Variants in WWOX observed in about 807,000 individuals in gnomAD.
WWOX encodes the protein WW domain-containing oxidoreductase.
A neutral mutation model predicts 46.2 loss-of-function variants in WWOX; 69 were observed. That is an observed-to-expected ratio of 1.49 (90% CI 1.23 to 1.82). WWOX has a LOEUF of 1.82. Ranked by LOEUF, WWOX falls within the 40% of genes most tolerant of loss-of-function variation. The pLI, the probability that WWOX is intolerant of heterozygous loss-of-function variation, is 0.00. For synonymous variants in WWOX, 359 were observed against 202.6 expected, an observed-to-expected ratio of 1.77 and a Z score of -6.56; for missense variants, 919 against 542.6, an observed-to-expected ratio of 1.69 and a Z score of -6.89.
intron 5 of WWOX, among the ~76,000 whole-genome samples, chr16:78,201,545 C>G (rs2036229636): frequency 6.6e-6 from 1 of 151,986 alleles, no homozygotes; most frequent in Non-Finnish European, 1.5e-5. Context: ...CAATTTAGTC[C>G]CTTCTGGAAG....
rs142349453 is a variant in WWOX at position 78,791,890 on chromosome 16, C to T, written c.1056+359138C>T. ...GAAACTTTTGTCTCAAAAACAACAACAACAACAACAACAAACAAACAAGAA... is the reference window on the plus strand; with the variant it reads ...GAAACTTTTGTCTCAAAAACAACAATAACAACAACAACAAACAAACAAGAA... On this transcript the variant is annotated intron_variant, in intron 8 of 8. Transcript: ENST00000566780. Among the ~76,000 whole-genome samples the T allele has an allele frequency of 5.8e-3, 879 of 152,204 alleles. 7 individuals are homozygous for T. Among genetic ancestry groups the T allele is most frequent in the African/African-American group, 0.02 (841 of 41,534 alleles).
intron 5 of WWOX, among the ~76,000 whole-genome samples, chr16:78,246,560 A>G (rs2037821657): frequency 6.6e-6 from 1 of 152,260 alleles, no homozygotes; most frequent in Non-Finnish European, 1.5e-5. Flanking sequence ...CTGTTCATGT[A>G]TAGCTGGTTT....
intron 8 of WWOX, among the ~76,000 whole-genome samples, chr16:78,810,588 A>T (rs981231775): frequency 2.6e-5 from 4 of 152,236 alleles, no homozygotes; most frequent in African/African-American, 9.6e-5. Context: ...GATTGCCTTG[A>T]CAAATTCTGC....
rs8058132 is a variant in WWOX at position 79,135,963 on chromosome 16, G to A, written c.1057-75645G>A. On this transcript the variant is annotated intron_variant, in intron 8 of 8. Coordinates refer to ENST00000566780, the MANE Select transcript of WWOX (RefSeq NM_016373.4). ...AATTAAGGAAACCATCACCACCTTCGAATGGCTGACTATTGTAAATATTTT... is the reference window on the plus strand; with the variant it reads ...AATTAAGGAAACCATCACCACCTTCAAATGGCTGACTATTGTAAATATTTT... Among the ~76,000 whole-genome samples, 894 of 152,166 alleles carry A rather than the reference G, an allele frequency of 5.9e-3. 6 individuals carry two copies. The highest frequency in any genetic ancestry group is 0.016 in the East Asian group (84 of 5,188).
intron 8 of WWOX, among the ~76,000 whole-genome samples, chr16:78,542,470 T>G (rs1423734058): frequency 6.6e-6 from 1 of 152,122 alleles, no homozygotes; most frequent in African/African-American, 2.4e-5. Flanking sequence ...TTTTTTTGTT[T>G]TTGTTTTTTA....
intron 8 of WWOX, among the ~76,000 whole-genome samples, chr16:78,791,774 G>C (rs913947352): frequency 2.0e-5 from 3 of 152,084 alleles, no homozygotes; most frequent in Non-Finnish European, 4.4e-5. Flanking sequence ...CAGCTACTTG[G>C]AAGGCTGAGG....
intron 5 of WWOX, among the ~76,000 whole-genome samples, chr16:78,360,964 G>A (rs1358540994): frequency 1.3e-5 from 2 of 151,980 alleles, no homozygotes; most frequent in African/African-American, 4.8e-5. Context: ...GGGACTATAC[G>A]CATGCACCAC....
chr16:78,532,830 C>T (rs184631264), intron 8 of WWOX, among the ~76,000 whole-genome samples: 1 of 152,140 alleles, frequency 6.6e-6, no homozygotes, highest in African/African-American at 2.4e-5. Flanking sequence ...CCCACCTGGT[C>T]CCTCCTGCAA....
chr16:78,427,232 T>C (rs774207295), intron 7 of WWOX, among the ~76,000 whole-genome samples: 1 of 152,114 alleles, frequency 6.6e-6, no homozygotes, highest in Admixed American at 6.6e-5. Context: ...AAAAAGAAAG[T>C]CCTATGTTTG....
chr16:78,789,766 C>G (rs994300073), intron 8 of WWOX, among the ~76,000 whole-genome samples: 1 of 152,164 alleles, frequency 6.6e-6, no homozygotes, highest in Non-Finnish European at 1.5e-5. Context: ...CTCCCAAACA[C>G]CATGACATAC....
At chr16:78,438,935 A>T (rs1215055796) in intron 8 of WWOX, among the ~76,000 whole-genome samples, 2 of 152,336 alleles carry the variant, frequency 1.3e-5, no homozygotes, top group Non-Finnish European at 1.5e-5. Flanking sequence ...GCCCTTGAAT[A>T]ACCCGCTGCA....
intron 8 of WWOX, among the ~76,000 whole-genome samples, chr16:78,668,297 A>G (rs2047379666): frequency 6.6e-6 from 1 of 152,086 alleles, no homozygotes; most frequent in Non-Finnish European, 1.5e-5. Flanking sequence ...ACAAACAAAA[A>G]ACATACAACT....
intron 8 of WWOX, among the ~76,000 whole-genome samples, chr16:78,665,362 T>C (rs2047306334): frequency 6.6e-6 from 1 of 152,180 alleles, no homozygotes; most frequent in Admixed American, 6.5e-5. Context: ...TGAATTTGAA[T>C]ATAACTATTA....
chr16:79,161,766 G>C (rs754556272), intron 8 of WWOX, among the ~76,000 whole-genome samples: 1 of 152,174 alleles, frequency 6.6e-6, no homozygotes, highest in Non-Finnish European at 1.5e-5. Context: ...CAATCCACCC[G>C]CCTTGGCCTG....
At chr16:78,961,355 C>T (rs928690084) in intron 8 of WWOX, among the ~76,000 whole-genome samples, 2 of 152,180 alleles carry the variant, frequency 1.3e-5, no homozygotes, top group African/African-American at 4.8e-5. Context: ...TGTAAGGAAA[C>T]TTGGTCTTTG....
At chr16:78,961,614 T>C (rs2046272552) in intron 8 of WWOX, among the ~76,000 whole-genome samples, 1 of 152,042 alleles carries the variant, frequency 6.6e-6, no homozygotes, top group Admixed American at 6.6e-5. Context: ...GGCTTGTTCT[T>C]CTGAAGGGAC....
At chr16:78,845,885 G>A (rs1001123077) in intron 8 of WWOX, among the ~76,000 whole-genome samples, 3 of 152,172 alleles carry the variant, frequency 2.0e-5, no homozygotes, top group Non-Finnish European at 4.4e-5. Flanking sequence ...ATGACCTTGT[G>A]CCTCATTTTC....
At chr16:78,113,407 C>G (rs2151672521) in intron 3 of WWOX, among the ~76,000 whole-genome samples, 1 of 152,334 alleles carries the variant, frequency 6.6e-6, no homozygotes, top group East Asian at 1.9e-4. Flanking sequence ...CTTTGTAGTG[C>G]TAAAGCAGCT....
intron 8 of WWOX, among the ~76,000 whole-genome samples, chr16:78,580,770 T>A (rs1297733441): frequency 6.6e-6 from 1 of 152,268 alleles, no homozygotes; most frequent in Non-Finnish European, 1.5e-5. Flanking sequence ...AGAAGTCTGC[T>A]AATTATTCTT....
Sources: allele counts gnomAD v4.1 joint callset (sites outside exome capture counted in the v4.1 genomes callset), GRCh38; gene constraint gnomAD v4.1.1; transcripts MANE v1.5; gene names NCBI Gene and HGNC (gene_info 2026-07-23, HGNC 2026-07-21).